Variants in GRXCR1 observed in about 807,000 individuals in gnomAD.
GRXCR1 encodes the protein glutaredoxin and cysteine rich domain containing 1, also known as glutaredoxin domain-containing cysteine-rich protein 1.
A neutral mutation model predicts 27.3 loss-of-function variants in GRXCR1; 27 were observed. That is an observed-to-expected ratio of 0.99 (90% CI 0.73 to 1.37). The LOEUF is 1.37. Among genes scored for constraint, GRXCR1 ranks in the 40% most tolerant of loss-of-function variants. The pLI is 0.00. For synonymous variants in GRXCR1, 122 were observed against 131.1 expected (o/e 0.93, Z 0.47); for missense variants, 379 against 354.4 (o/e 1.07, Z -0.56).
intron 1 of GRXCR1, among the ~76,000 whole-genome samples, chr4:42,946,255 A>T (rs1012906977): frequency 1.3e-5 from 2 of 149,174 alleles, no homozygotes; most frequent in African/African-American, 2.5e-5. Context: ...TGAGACAGGA[A>T]AAAGGTCACT....
At chr4:42,949,891 A>C (rs1307160654) in intron 1 of GRXCR1, among the ~76,000 whole-genome samples, 1 of 152,132 alleles carries the variant, frequency 6.6e-6, no homozygotes, top group Non-Finnish European at 1.5e-5. Context: ...TTCTCAGTCT[A>C]TTCTGGGAAT....
chr4:42,981,815 C>T (rs1278888270), intron 2 of GRXCR1, among the ~76,000 whole-genome samples: 1 of 152,122 alleles, frequency 6.6e-6, no homozygotes, highest in African/African-American at 2.4e-5. Context: ...GTTGGAACTT[C>T]TGTATGTGTT....
intron 1 of GRXCR1, among the ~76,000 whole-genome samples, chr4:42,955,257 G>T (rs56400498): frequency 0.36 from 55,148 of 151,798 alleles, 10,247 homozygotes; most frequent in African/African-American, 0.43. Flanking sequence ...CCATCTCAAA[G>T]AAATCATTTT....
chr4:42,983,900 A>G (rs969556603), intron 2 of GRXCR1, among the ~76,000 whole-genome samples: 1 of 140,960 alleles, frequency 7.1e-6, no homozygotes, highest in African/African-American at 2.7e-5. Flanking sequence ...CAGTGGTGTG[A>G]TCTCGGCTCA....
At chr4:43,028,743 A>T (rs954647174) in intron 3 of GRXCR1, among the ~76,000 whole-genome samples, 2 of 152,274 alleles carry the variant, frequency 1.3e-5, no homozygotes, top group South Asian at 4.1e-4. Flanking sequence ...TATTACACAA[A>T]ATTTAAGTGC....
At position 42,893,313 on chromosome 4, in the gene GRXCR1, T is replaced by C. The variant is rs1293338135; in HGVS notation, c.47T>C (p.Val16Ala). Residue 16 changes from valine to alanine, a missense_variant, in exon 1 of 4, where the codon GTC (valine) becomes GCC (alanine). Coordinates refer to ENST00000399770, the MANE Select transcript of GRXCR1 (RefSeq NM_001080476.3). ...CCAGAAAGTGACAGGCCACGGAAAG[T>C]CCGGTTTCGGATCGCGTCCTCTCAC... is the stretch of plus-strand genomic sequence containing the variant. Reference protein sequence around the residue: ...MKPESDRPRKVRFRIASSHSG... With the variant: ...MKPESDRPRKARFRIASSHSG... 3 of 1,613,710 alleles carry C rather than the reference T, an allele frequency of 1.9e-6. No homozygotes were observed. The highest frequency in any genetic ancestry group is 2.5e-6 in the Non-Finnish European group (3 of 1,179,770).
At chr4:42,930,137 C>T (rs190597986) in intron 1 of GRXCR1, among the ~76,000 whole-genome samples, 51 of 152,128 alleles carry the variant, frequency 3.4e-4, no homozygotes, top group African/African-American at 1.2e-3. Flanking sequence ...TTTCTTCGTT[C>T]TCTTAAAATG....
chr4:42,902,761 T>C (rs1403677465), intron 1 of GRXCR1, among the ~76,000 whole-genome samples: 1 of 152,144 alleles, frequency 6.6e-6, no homozygotes, highest in African/African-American at 2.4e-5. Context: ...GATGGGATGA[T>C]CTGTGCAGCA....
At chr4:42,950,566 G>T (rs1225588958) in intron 1 of GRXCR1, among the ~76,000 whole-genome samples, 2 of 152,104 alleles carry the variant, frequency 1.3e-5, no homozygotes, top group African/African-American at 2.4e-5. Context: ...GTAGGAATGT[G>T]GTTACCGGGA....
intron 2 of GRXCR1, among the ~76,000 whole-genome samples, chr4:43,010,405 A>C (rs1336699722): frequency 6.8e-6 from 1 of 146,356 alleles, no homozygotes; most frequent in Non-Finnish European, 1.5e-5. Flanking sequence ...CTCCATCTCA[A>C]AAAAAAAAAA....
intron 1 of GRXCR1, among the ~76,000 whole-genome samples, chr4:42,954,992 T>C (rs1315460414): frequency 6.6e-6 from 1 of 152,006 alleles, no homozygotes; most frequent in East Asian, 1.9e-4. Context: ...ACTATAGAGG[T>C]TTACAGAATA....
At chr4:42,983,479 T>C (rs573824207) in intron 2 of GRXCR1, among the ~76,000 whole-genome samples, 185 of 151,758 alleles carry the variant, frequency 1.2e-3, no homozygotes, top group African/African-American at 4.3e-3. Context: ...TAGTTTGAAG[T>C]CAGGTAGTGT....
intron 1 of GRXCR1, among the ~76,000 whole-genome samples, chr4:42,909,547 A>T (rs1161120490): frequency 6.6e-6 from 1 of 152,202 alleles, no homozygotes; most frequent in Non-Finnish European, 1.5e-5. Flanking sequence ...CTTTTTCTAA[A>T]ATGCAATCAG....
At chr4:43,019,788 T>G (rs1270426991) in intron 2 of GRXCR1, among the ~76,000 whole-genome samples, 1 of 152,206 alleles carries the variant, frequency 6.6e-6, no homozygotes, top group Non-Finnish European at 1.5e-5. Flanking sequence ...TTATTTAATC[T>G]CACTGAGGCT....
Position 42,893,439 on chromosome 4 carries a change from C to T in GRXCR1, c.173C>T (p.Ser58Phe), listed in dbSNP as rs1307095672. 6.2e-7 allele frequency: 1 copy of T among 1,613,772 alleles called. No homozygotes were observed. Among genetic ancestry groups the T allele is most frequent in the South Asian group, 1.1e-5 (1 of 91,074 alleles). Reference protein sequence around the residue: ...SICGIDGLGDSDGQQNGHIES... With the variant: ...SICGIDGLGDFDGQQNGHIES... The stretch of plus-strand genomic sequence containing the variant: ...TGTGGGATAGATGGACTAGGTGATT[C>T]CGATGGACAGCAGAATGGCCACATA... The change falls in exon 1 of 4, where the codon TCC (serine) becomes TTC (phenylalanine). Residue 58 changes from serine (S) to phenylalanine (F), a missense_variant. Ser to Phe is a radical substitution (Grantham distance 155, BLOSUM62 -2). Coordinates refer to ENST00000399770, the MANE Select transcript of GRXCR1 (RefSeq NM_001080476.3).
At chr4:42,962,558 T>A (rs2084437327) in intron 1 of GRXCR1, among the ~76,000 whole-genome samples, 1 of 151,998 alleles carries the variant, frequency 6.6e-6, no homozygotes, top group African/African-American at 2.4e-5. Context: ...GATATCGTAA[T>A]TGAGCAATGT....
intron 1 of GRXCR1, among the ~76,000 whole-genome samples, chr4:42,960,214 A>G (rs1318191106): frequency 6.6e-6 from 1 of 152,042 alleles, no homozygotes; most frequent in Non-Finnish European, 1.5e-5. Flanking sequence ...GTATTTCAGA[A>G]CAAATAATTC....
At chr4:42,992,362 C>A (rs1560679057) in intron 2 of GRXCR1, among the ~76,000 whole-genome samples, 2 of 152,030 alleles carry the variant, frequency 1.3e-5, no homozygotes, top group South Asian at 4.1e-4. Context: ...TGTATTAATG[C>A]CACTTTCTCT....
chr4:42,987,201 C>A (rs28714579), intron 2 of GRXCR1, among the ~76,000 whole-genome samples: 4,448 of 51,192 alleles, frequency 0.087, 287 homozygotes, highest in African/African-American at 0.28. Flanking sequence ...TCATAGTTTT[C>A]ATATATATAT....
Sources: allele counts gnomAD v4.1 joint callset (sites outside exome capture counted in the v4.1 genomes callset), GRCh38; gene constraint gnomAD v4.1.1; transcripts MANE v1.5; gene names NCBI Gene and HGNC (gene_info 2026-07-23, HGNC 2026-07-21).